The following TDRD12 variants were observed in gnomAD, a reference collection of about 807,000 sequenced individuals.
TDRD12 encodes the protein putative ATP-dependent RNA helicase TDRD12.
A neutral mutation model predicts 133.5 loss-of-function variants in TDRD12; 158 were observed. The ratio of observed to expected loss-of-function variants is 1.18; its 90% CI spans 1.04 to 1.35. The LOEUF (loss-of-function observed/expected upper bound fraction) is 1.35. Among genes scored for constraint, TDRD12 ranks in the 40% most tolerant of loss-of-function variants. The pLI, the probability that TDRD12 is intolerant of heterozygous loss-of-function variation, is 0.00. For missense variants in TDRD12, 1,443 were observed against 1,321.3 expected (o/e 1.09, Z -1.43); for synonymous variants, 460 against 477.9 (o/e 0.96, Z 0.49).
Position 32,731,804 on chromosome 19 carries a change from T to G in TDRD12, c.104T>G (p.Leu35Ter), listed in dbSNP as rs1384855534. 9.7e-6 allele frequency: 15 copies of G among 1,551,316 alleles called. No individual in the cohort carries two copies. The highest frequency in any genetic ancestry group is 1.3e-5 in the Non-Finnish European group (15 of 1,146,902). The change falls in exon 2 of 28, where the codon TTA (leucine) becomes TGA (stop). Residue 35 changes from leucine to a stop codon, truncating the protein, a stop_gained. Transcript: ENST00000444215. LOFTEE classifies it high-confidence loss of function. ...GATCATGATGTCGATTATCAAAAAT[T>G]AAATAGTGCCATGAATGACTTCTAC...
chr19:32,774,719 G>T (rs867786230), intron 10 of TDRD12, among the ~76,000 whole-genome samples: 2 of 152,040 alleles, frequency 1.3e-5, no homozygotes, highest in African/African-American at 2.4e-5. Flanking sequence ...GGTGGCTCAC[G>T]CCTGTATTCC....
exon 10 of TDRD12, chr19:32,827,614 AGGT>A (rs1309117562): frequency 2.6e-5 from 4 of 153,998 alleles, no homozygotes; most frequent in African/African-American, 9.6e-5. Context: ...TCCTGACCTC[AGGT>A]AATCCTCCCA....
At chr19:32,802,585 G>A (rs899888794) in intron 19 of TDRD12, 71 bp from the exon 20 acceptor site, 15 of 1,491,904 alleles carry the variant, frequency 1.0e-5, no homozygotes, top group East Asian at 2.5e-5. Flanking sequence ...CAGTGTGGCC[G>A]TGGGAACTGC....
intron 8 of TDRD12, among the ~76,000 whole-genome samples, chr19:32,764,141 C>T (rs1343615543): frequency 9.2e-6 from 1 of 108,710 alleles, no homozygotes; most frequent in Non-Finnish European, 1.7e-5. Flanking sequence ...GATGGAGTCT[C>T]ACCCTGTTGC....
chr19:32,792,753 AAG>A (rs1280760817), intron 13 of TDRD12, among the ~76,000 whole-genome samples: 2 of 152,326 alleles, frequency 1.3e-5, no homozygotes, highest in South Asian at 2.1e-4. Flanking sequence ...CTGCTGAAGA[AAG>A]AGATTCTGAA....
chr19:32,784,170 A>T (rs942721407), intron 11 of TDRD12, among the ~76,000 whole-genome samples: 3 of 152,080 alleles, frequency 2.0e-5, no homozygotes, highest in African/African-American at 7.2e-5. Context: ...TTCCATCGAT[A>T]CCTAGTTTAT....
chr19:32,742,600 C>A (rs1969464074), intron 3 of TDRD12, among the ~76,000 whole-genome samples, 181 bp from the exon 4 acceptor site: 1 of 152,050 alleles, frequency 6.6e-6, no homozygotes, highest in South Asian at 2.1e-4. Flanking sequence ...TCCCAAGAAG[C>A]AGTTTTTCCC....
chr19:32,807,949 CA>C (rs912133612), intron 22 of TDRD12, among the ~76,000 whole-genome samples: 2 of 152,082 alleles, frequency 1.3e-5, no homozygotes, highest in African/African-American at 2.4e-5. Flanking sequence ...AGTGACTGGG[CA>C]CAGTGGCTCA....
At chr19:32,780,084 CTTTTTTTT>C (rs11395360) in intron 11 of TDRD12, among the ~76,000 whole-genome samples, 2 of 127,776 alleles carry the variant, frequency 1.6e-5, no homozygotes, top group African/African-American at 5.9e-5. Context: ...TTTTTCTTTT[CTTTTTTTT>C]TTTTTTTTTG....
rs770668701 is a variant in TDRD12, at chr19:32,797,763, G to A, written c.1502G>A (p.Trp501Ter). The A allele has an allele frequency of 4.3e-6, 3 of 700,068 alleles. No individual in the cohort carries two copies. Among genetic ancestry groups the A allele is most frequent in the Non-Finnish European group, 2.6e-6 (1 of 384,044 alleles). The allele number at this position is 700,068 out of a possible 1,614,324, so 43.4% of individuals were successfully genotyped here. ...CTCGCAGTCATCGTGTGCCCTGGGT[G>A]GAAGAAGGCCCAATTTATTTTTGAA... The change falls in exon 15 of 28, where the codon TGG (tryptophan) becomes TAG (stop). Residue 501 changes from tryptophan to a stop codon, truncating the protein, a stop_gained. Transcript: ENST00000444215. LOFTEE classifies it high-confidence loss of function.
At chr19:32,778,859 G>A (rs781011530) in intron 11 of TDRD12, among the ~76,000 whole-genome samples, 2 of 152,164 alleles carry the variant, frequency 1.3e-5, no homozygotes, top group African/African-American at 2.4e-5. Flanking sequence ...CTTGTCTCCT[G>A]TTCTGTTAAA....
intron 8 of TDRD12, among the ~76,000 whole-genome samples, chr19:32,771,712 C>T (rs1285102513): frequency 6.6e-6 from 1 of 152,048 alleles, no homozygotes; most frequent in East Asian, 1.9e-4. Flanking sequence ...ACCTCCACTC[C>T]TGGTTCCAGA....
intron 6 of TDRD12, 52 bp downstream of exon 6, chr19:32,749,921 T>G: frequency 7.6e-7 from 1 of 1,308,784 alleles, no homozygotes; most frequent in Non-Finnish European, 1.1e-6. Flanking sequence ...AAATTTTACT[T>G]TAATAAAACA....
At position 32,826,610 on chromosome 19, in the gene TDRD12, T is replaced by A. The variant is rs1216346803; in HGVS notation, c.1049+12T>A. ...TACTCAGACAGAGGGTGAGTTGGGA[T>A]GCACTCAGCGGGTGGTCTTTACCCT... On this transcript the variant is annotated intron_variant, in intron 9 of 9. Transcript: ENST00000637289. 4.9e-6 allele frequency: 6 copies of A among 1,236,454 alleles called. No individual in the cohort carries two copies. Among genetic ancestry groups the A allele is most frequent in the Non-Finnish European group, 6.1e-6 (6 of 990,666 alleles). The allele number at this position is 1,236,454 out of a possible 1,614,324, so 76.6% of individuals were successfully genotyped here.
At chr19:32,806,343 T>TTTG (rs1971549085) in intron 21 of TDRD12, among the ~76,000 whole-genome samples, 1 of 148,480 alleles carries the variant, frequency 6.7e-6, no homozygotes, top group Non-Finnish European at 1.5e-5. Flanking sequence ...CCGAGTTTTT[T>TTTG]TTTTTTTTTT....
intron 1 of TDRD12, 64 bp downstream of exon 1, chr19:32,720,160 G>A (rs1317246420): frequency 8.4e-7 from 1 of 1,186,516 alleles, no homozygotes; most frequent in Non-Finnish European, 1.1e-6. Context: ...CCCCAGCCGC[G>A]CACAGCCTCC....
intron 21 of TDRD12, among the ~76,000 whole-genome samples, chr19:32,804,875 A>G (rs1377928592): frequency 6.6e-6 from 1 of 151,668 alleles, no homozygotes; most frequent in East Asian, 1.9e-4. Context: ...CAGCCTGGAC[A>G]ACAGAGCGAG....
At chr19:32,742,575 G>A (rs1482730635) in intron 3 of TDRD12, among the ~76,000 whole-genome samples, 3 of 152,066 alleles carry the variant, frequency 2.0e-5, no homozygotes, top group Non-Finnish European at 4.4e-5. Flanking sequence ...AAAAGAGTAC[G>A]ATTTTTTTTC....
chr19:32,779,036 T>C (rs938044899), intron 11 of TDRD12, among the ~76,000 whole-genome samples: 1 of 152,214 alleles, frequency 6.6e-6, no homozygotes, highest in African/African-American at 2.4e-5. Context: ...CCCCCTTGAC[T>C]GCGCAGAGGT....
Sources: gnomAD v4.1 joint callset for allele counts (sites outside exome capture counted in the v4.1 genomes callset) on GRCh38, gnomAD v4.1.1 for gene constraint, MANE v1.5 for transcripts, NCBI Gene and HGNC (gene_info 2026-07-23, HGNC 2026-07-21) for gene names.